Variants in TANC2 observed in about 807,000 individuals in gnomAD.
The protein encoded by TANC2 is tetratricopeptide repeat, ankyrin repeat and coiled-coil containing 2, also known as protein TANC2.
In TANC2, 26 loss-of-function variants were observed where a neutral mutation model predicts 210.5. The observed-to-expected ratio is 0.12, with a 90% confidence interval of 0.09 to 0.17. The LOEUF (loss-of-function observed/expected upper bound fraction) is 0.17. Ranked by LOEUF, TANC2 falls within the 10% of genes least tolerant of loss-of-function variation. The pLI, the probability that TANC2 is intolerant of heterozygous loss-of-function variation, is 1.00. For synonymous variants in TANC2, 931 were observed against 967.1 expected (o/e 0.96, Z 0.69); for missense variants, 2,129 against 2,608.9 (o/e 0.82, Z 4.01).
chr17:63,176,805 CA>C (rs60736520), intron 5 of TANC2, among the ~76,000 whole-genome samples: 16,453 of 93,124 alleles, frequency 0.18, 915 homozygotes, highest in Middle Eastern at 0.24. Flanking sequence ...GACTCCATCT[CA>C]AAAAAAAAAA....
At chr17:63,078,018 C>T (rs1028258101) in intron 3 of TANC2, among the ~76,000 whole-genome samples, 4 of 152,064 alleles carry the variant, frequency 2.6e-5, no homozygotes, top group Non-Finnish European at 5.9e-5. Context: ...ATGCTGGCCT[C>T]ATAGAATAAG....
rs532091544 is a variant in TANC2, at chr17:63,213,855, G to A, written c.769+12898G>A. On this transcript the variant is annotated intron_variant, in intron 7 of 27. Transcript: ENST00000689528. ...TAGCTTTAAGAATATCTAGCCCCTG[G>A]TTCCCAACATTTTCAGCACCAGGAC... is the stretch of plus-strand genomic sequence containing the variant. 2.0e-5 allele frequency among the ~76,000 whole-genome samples: 3 copies of A among 152,296 alleles called. No homozygotes were observed. The East Asian group carries it at 5.8e-4, about 29-fold the overall frequency.
intron 4 of TANC2, among the ~76,000 whole-genome samples, chr17:63,108,018 G>A (rs2037892558): frequency 6.6e-6 from 1 of 151,824 alleles, no homozygotes; most frequent in Non-Finnish European, 1.5e-5. Flanking sequence ...GAAAGGGAAA[G>A]TTGATGAATT....
chr17:63,101,491 C>G (rs1414073064), intron 4 of TANC2, among the ~76,000 whole-genome samples: 1 of 152,148 alleles, frequency 6.6e-6, no homozygotes, highest in Non-Finnish European at 1.5e-5. Context: ...CTAATAGTCT[C>G]TTGTCTCTGG....
Position 62,985,851 on chromosome 17 carries a change from A to G in TANC2, c.-24+19102A>G, listed in dbSNP as rs1047233594. 5.9e-5 allele frequency among the ~76,000 whole-genome samples: 9 copies of G among 152,108 alleles called. No individual in the cohort carries two copies. The South Asian group carries it at 6.2e-4, about 10-fold the overall frequency. ...AAGATTATTATTTTTGACATTTTGT[A>G]TATTTCCTTATGATTGAGACCTGTT... On this transcript the variant is annotated intron_variant, in intron 1 of 27. Coordinates refer to ENST00000689528, the Ensembl canonical transcript of TANC2.
At chr17:63,167,603 A>AT (rs1300193552) in intron 5 of TANC2, among the ~76,000 whole-genome samples, 1 of 152,158 alleles carries the variant, frequency 6.6e-6, no homozygotes, top group Non-Finnish European at 1.5e-5. Context: ...TACATACAAA[A>AT]TTTTGCCCAC....
intron 8 of TANC2, among the ~76,000 whole-genome samples, chr17:63,238,878 A>G (rs1288485976): frequency 6.6e-6 from 1 of 152,168 alleles, no homozygotes; most frequent in Non-Finnish European, 1.5e-5. Flanking sequence ...GTTTTAAACC[A>G]TCGGATCTAA....
At chr17:63,184,317 T>G (rs1223515794) in intron 5 of TANC2, among the ~76,000 whole-genome samples, 1 of 152,168 alleles carries the variant, frequency 6.6e-6, no homozygotes, top group African/African-American at 2.4e-5. Context: ...AATTCTAGAC[T>G]TGTTTCTTAG....
intron 11 of TANC2, among the ~76,000 whole-genome samples, chr17:63,328,873 C>G (rs2146694667): frequency 6.6e-6 from 1 of 152,136 alleles, no homozygotes; most frequent in Middle Eastern, 3.4e-3. Flanking sequence ...ATACATATAT[C>G]AAAACATCAC....
At chr17:63,257,696 A>G (rs2043236916) in intron 8 of TANC2, among the ~76,000 whole-genome samples, 1 of 152,204 alleles carries the variant, frequency 6.6e-6, no homozygotes, top group Non-Finnish European at 1.5e-5. Context: ...TTTCAAACTG[A>G]TAACAACTTA....
chr17:62,999,812 A>G (rs2033288865), intron 1 of TANC2, among the ~76,000 whole-genome samples: 2 of 152,256 alleles, frequency 1.3e-5, no homozygotes, highest in South Asian at 4.1e-4. Context: ...CTCTGTTCAC[A>G]ATAGCAACAT....
exon 28 of TANC2, chr17:63,425,914 A>G (rs578112942): frequency 3.3e-5 from 5 of 152,384 alleles, no homozygotes; most frequent in African/African-American, 1.2e-4. Context: ...TAACTCCAGA[A>G]GCGTCACAGT....
chr17:63,294,959 C>T (rs2044489766), intron 9 of TANC2, among the ~76,000 whole-genome samples: 1 of 152,146 alleles, frequency 6.6e-6, no homozygotes, highest in Admixed American at 6.5e-5. Context: ...TAGAAAATCT[C>T]TTGGAAACCA....
At chr17:63,148,986 GTTTAAC>G (rs1311718303) in intron 4 of TANC2, 2 of 152,182 alleles carry the variant, frequency 1.3e-5, no homozygotes, top group East Asian at 1.9e-4. Flanking sequence ...TTATAAAACA[GTTTAAC>G]TTTATTATTA....
At chr17:63,058,360 A>T (rs2035878812) in intron 2 of TANC2, among the ~76,000 whole-genome samples, 1 of 152,166 alleles carries the variant, frequency 6.6e-6, no homozygotes, top group East Asian at 1.9e-4. Flanking sequence ...ATTCTCTCCC[A>T]TTATTTAGAT....
intron 8 of TANC2, among the ~76,000 whole-genome samples, chr17:63,242,854 T>C (rs1275664348): frequency 6.6e-6 from 1 of 152,102 alleles, no homozygotes; most frequent in African/African-American, 2.4e-5. Flanking sequence ...TCAAAATAAT[T>C]ATTCTATTTG....
intron 4 of TANC2, among the ~76,000 whole-genome samples, chr17:63,106,664 CTG>C (rs1251218576): frequency 2.0e-5 from 3 of 151,674 alleles, no homozygotes; most frequent in Non-Finnish European, 4.4e-5. Context: ...GCCTTTGCCA[CTG>C]CGTATATGTT....
At chr17:63,346,372 TGA>T (rs2046410171) in intron 12 of TANC2, among the ~76,000 whole-genome samples, 1 of 152,184 alleles carries the variant, frequency 6.6e-6, no homozygotes, top group South Asian at 2.1e-4. Context: ...TTTCTGTGTG[TGA>T]GAGACAAAGC....
In TANC2 at chr17:63,212,113, A is replaced by G. The variant is rs546012126; in HGVS notation, c.769+11156A>G. 5.9e-4 allele frequency among the ~76,000 whole-genome samples: 90 copies of G among 152,114 alleles called. No individual in the cohort carries two copies. The South Asian group carries it at 0.018, about 31-fold the overall frequency. ...TCTCATTGTTCAGTTCCCACCTATG[A>G]GTGAGAACATGCAGTGTTTGGTTTT... On this transcript the variant is annotated intron_variant, in intron 7 of 27. Coordinates refer to ENST00000689528, the Ensembl canonical transcript of TANC2.
Sources: allele counts gnomAD v4.1 joint callset (sites outside exome capture counted in the v4.1 genomes callset), GRCh38; gene constraint gnomAD v4.1.1; transcripts MANE v1.5; gene names NCBI Gene and HGNC (gene_info 2026-07-23, HGNC 2026-07-21).